UBE2L3: variants seen among roughly 807,000 people sequenced by gnomAD.
UBE2L3 encodes ubiquitin-conjugating enzyme E2 L3.
A neutral mutation model predicts 17.8 loss-of-function variants in UBE2L3; 1 was observed. That is an observed-to-expected ratio of 0.06 (90% CI 0.02 to 0.27). UBE2L3 has a LOEUF of 0.27. UBE2L3 is among the 10% of genes least tolerant of loss of function. The probability of loss-of-function intolerance (pLI) is 1.00; values close to 1 mark genes in which losing one functional copy is unlikely to be tolerated. For missense variants in UBE2L3, 40 were observed against 192.6 expected (o/e 0.21, Z 4.69); for synonymous variants, 44 against 68.5 (o/e 0.64, Z 1.76).
intron 2 of UBE2L3, among the ~76,000 whole-genome samples, chr22:21,608,993 C>T (rs1041621000): frequency 3.3e-5 from 5 of 151,902 alleles, no homozygotes; most frequent in African/African-American, 1.2e-4. Context: ...TTCCCAGGTT[C>T]ACACCATTCT....
chr22:21,622,266 TCTC>T lies in UBE2L3; in HGVS notation c.*601_*603del, dbSNP rs1253317298. 1.0e-4 allele frequency: 16 copies of T among 152,842 alleles called. No homozygotes were observed. Among genetic ancestry groups the T allele is most frequent in the African/African-American group, 2.4e-5 (1 of 41,372 alleles). The allele number at this position is 152,842 out of a possible 1,614,324, so 9.5% of individuals were successfully genotyped here. A position where few individuals can be genotyped will look rare whatever the true frequency, so the allele number is the denominator to read the frequency against. Reference sequence around the variant, plus strand: ...ACAGCCACACCCCTCCTCCAGTCCTTCTCCTCAGTTCTTGTGTGAAACTCCAGC... The same window carrying T: ...ACAGCCACACCCCTCCTCCAGTCCTTCTCAGTTCTTGTGTGAAACTCCAGC... On this transcript the variant is annotated 3_prime_UTR_variant, in exon 4 of 4. Coordinates refer to ENST00000342192, the MANE Select transcript of UBE2L3 (RefSeq NM_003347.4).
intron 1 of UBE2L3, among the ~76,000 whole-genome samples, chr22:21,580,881 G>C (rs1927584494): frequency 6.7e-6 from 1 of 148,450 alleles, no homozygotes; most frequent in Non-Finnish European, 1.5e-5. Flanking sequence ...CACCATGCCT[G>C]GCCTCTTTTC....
chr22:21,567,588 C>T (rs1926693187), upstream of UBE2L3: 6 of 1,464,706 alleles, frequency 4.1e-6, no homozygotes, highest in Non-Finnish European at 5.4e-6. Flanking sequence ...TGCGTTCCTC[C>T]ACGCGCCCCC....
At chr22:21,616,743 A>ACC (rs151096796) in intron 3 of UBE2L3, among the ~76,000 whole-genome samples, 30 of 136,570 alleles carry the variant, frequency 2.2e-4, no homozygotes, top group Admixed American at 3.7e-4. Flanking sequence ...AAAACAAAAC[A>ACC]CCCCCCCCCT....
upstream of UBE2L3, among the ~76,000 whole-genome samples, chr22:21,562,996 C>G (rs929260013): frequency 1.3e-5 from 2 of 151,646 alleles, no homozygotes; most frequent in Non-Finnish European, 2.9e-5. Flanking sequence ...GTAATCCCAG[C>G]ACTTTGGGAG....
intron 3 of UBE2L3, among the ~76,000 whole-genome samples, chr22:21,616,496 A>G (rs888205867): frequency 1.1e-4 from 17 of 151,936 alleles, no homozygotes; most frequent in Non-Finnish European, 1.9e-4. Context: ...TAAAAATACA[A>G]AAAAAATTAG....
At chr22:21,607,801 G>T (rs959330078) in intron 2 of UBE2L3, among the ~76,000 whole-genome samples, 1 of 152,186 alleles carries the variant, frequency 6.6e-6, no homozygotes, top group Non-Finnish European at 1.5e-5. Flanking sequence ...TGCTGGCCCT[G>T]CCTGGTGATC....
intron 3 of UBE2L3, 22 bp downstream of exon 3, chr22:21,611,065 T>C: frequency 6.4e-7 from 1 of 1,563,084 alleles, no homozygotes. Context: ...GCCTGTGTCT[T>C]CCTCGGAGGG....
intron 2 of UBE2L3, among the ~76,000 whole-genome samples, chr22:21,597,911 T>C (rs2148427668): frequency 7.1e-6 from 1 of 140,996 alleles, no homozygotes; most frequent in Admixed American, 7.7e-5. Context: ...CACCTCAGCC[T>C]CCAGAGTAGC....
chr22:21,621,777 C>T lies in UBE2L3; in HGVS notation c.*108C>T, dbSNP rs534963661. 103 of 809,236 alleles carry T rather than the reference C, an allele frequency of 1.3e-4. 1 individual carries two copies. In the South Asian group the frequency reaches 1.8e-3, roughly 14 times the overall value. 50.1% of individuals were successfully genotyped at this position (809,236 alleles called of 1,614,324 possible). On this transcript the variant is annotated 3_prime_UTR_variant, in exon 4 of 4. Transcript: ENST00000342192. ...GAAATTGACACGTGCCACCGCCTGG[C>T]GTTCGCTTGTGGCAGTTACTAACTT... is the stretch of plus-strand genomic sequence containing the variant.
At chr22:21,589,120 C>T (rs1471413385) in intron 1 of UBE2L3, among the ~76,000 whole-genome samples, 2 of 146,434 alleles carry the variant, frequency 1.4e-5, no homozygotes, top group African/African-American at 5.0e-5. Context: ...AAGTTGTTTT[C>T]CTCAGTGGAG....
Position 21,597,775 on chromosome 22 carries a change from A to ATT in UBE2L3, c.123+4850_123+4851dup, listed in dbSNP as rs35054754. 8.2e-4 allele frequency among the ~76,000 whole-genome samples: 21 copies of ATT among 25,600 alleles called. 5 individuals are homozygous for ATT. Among genetic ancestry groups the ATT allele is most frequent in the East Asian group, 4.5e-3 (4 of 894 alleles). 16.8% of individuals were successfully genotyped at this position (25,600 alleles called of 152,430 possible). On this transcript the variant is annotated intron_variant, in intron 2 of 3. Coordinates refer to ENST00000342192, the MANE Select transcript of UBE2L3 (RefSeq NM_003347.4). ...GGATCTTTGATCCATTTATATGTAG[A>ATT]TTTTTTTTTTTTTTTTTTTTTTTTT...
chr22:21,567,530 C>T, upstream of UBE2L3: 1 of 1,038,844 alleles, frequency 9.6e-7, no homozygotes, highest in Non-Finnish European at 1.4e-6. Flanking sequence ...TAACTGCCAT[C>T]TGATTGGACG....
At chr22:21,569,518 A>AC (rs1333518067) in intron 1 of UBE2L3, among the ~76,000 whole-genome samples, 2 of 151,850 alleles carry the variant, frequency 1.3e-5, no homozygotes, top group African/African-American at 4.8e-5. Context: ...TCCCCAGACT[A>AC]CCCCTGACGG....
At chr22:21,558,871 T>A (rs10211985) in intron 1 of UBE2L3, among the ~76,000 whole-genome samples, 8 of 150,920 alleles carry the variant, frequency 5.3e-5, no homozygotes, top group Admixed American at 4.6e-4. Context: ...GCCTGGCACA[T>A]GATAGGTGCT....
In UBE2L3 at chr22:21,577,373, G is replaced by C. The variant is rs923943708; in HGVS notation, c.27+9602G>C. On this transcript the variant is annotated intron_variant, in intron 1 of 3. Transcript: ENST00000342192. ...GCCTGCCTCAGCCTCCCAAATAGCT[G>C]GGATTACAGGCGTGAGCTACCGCAC... 4.6e-5 allele frequency among the ~76,000 whole-genome samples: 7 copies of C among 152,312 alleles called. No homozygotes were observed. In the South Asian group the frequency reaches 1.2e-3, roughly 27 times the overall value.
intron 1 of UBE2L3, among the ~76,000 whole-genome samples, chr22:21,578,774 C>T (rs1927461069): frequency 6.6e-6 from 1 of 151,990 alleles, no homozygotes; most frequent in Admixed American, 6.6e-5. Context: ...TTGTCATGTC[C>T]TCTTAGAATG....
intron 3 of UBE2L3, among the ~76,000 whole-genome samples, chr22:21,613,323 C>T (rs1331374524): frequency 6.6e-6 from 1 of 152,204 alleles, no homozygotes; most frequent in African/African-American, 2.4e-5. Flanking sequence ...GTGGCTGCTT[C>T]TCCCCCACCC....
At chr22:21,615,938 G>A (rs1248149116) in intron 3 of UBE2L3, among the ~76,000 whole-genome samples, 1 of 152,188 alleles carries the variant, frequency 6.6e-6, no homozygotes, top group Non-Finnish European at 1.5e-5. Context: ...TGGTGCTGAA[G>A]TGCTGTCTAG....
Sources: allele counts gnomAD v4.1 joint callset (sites outside exome capture counted in the v4.1 genomes callset), GRCh38; gene constraint gnomAD v4.1.1; transcripts MANE v1.5; gene names NCBI Gene and HGNC (gene_info 2026-07-23, HGNC 2026-07-21).